Variants in GCNT1 observed in about 807,000 individuals in gnomAD.
The protein encoded by GCNT1 is glucosaminyl (N-acetyl) transferase 1.
A neutral mutation model predicts 26.2 loss-of-function variants in GCNT1; 16 were observed. The ratio of observed to expected loss-of-function variants is 0.61; its 90% CI spans 0.41 to 0.93. The LOEUF (loss-of-function observed/expected upper bound fraction) is 0.93. GCNT1 is among the 40% of genes least tolerant of loss of function. The pLI is 0.00. For missense variants in GCNT1, 477 were observed against 526.7 expected, an observed-to-expected ratio of 0.91 and a Z score of 0.92; for synonymous variants, 183 against 190.8, an observed-to-expected ratio of 0.96 and a Z score of 0.34.
chr9:76,430,473 G>A (rs1044521338), intron 1 of GCNT1, among the ~76,000 whole-genome samples: 3 of 151,590 alleles, frequency 2.0e-5, no homozygotes, highest in East Asian at 1.9e-4. Flanking sequence ...CCTTGACCTC[G>A]GGGGCTCAAG....
intron 1 of GCNT1, among the ~76,000 whole-genome samples, chr9:76,422,627 A>T (rs1823210998): frequency 6.6e-6 from 1 of 152,024 alleles, no homozygotes; most frequent in Non-Finnish European, 1.5e-5. Flanking sequence ...CACTGCACTC[A>T]CTGCAGCCTT....
intron 1 of GCNT1, among the ~76,000 whole-genome samples, chr9:76,426,917 A>G (rs1204058285): frequency 6.6e-6 from 1 of 152,190 alleles, no homozygotes; most frequent in Non-Finnish European, 1.5e-5. Context: ...ATCTAAAAAA[A>G]CAAAACAAAA....
At chr9:76,486,853 A>G (rs969331330) in intron 2 of GCNT1, among the ~76,000 whole-genome samples, 5 of 152,166 alleles carry the variant, frequency 3.3e-5, no homozygotes, top group African/African-American at 4.8e-5. Context: ...AGGTGGGTGG[A>G]TCACTTGAGG....
chr9:76,426,787 C>T (rs1371487540), intron 1 of GCNT1, among the ~76,000 whole-genome samples: 1 of 152,004 alleles, frequency 6.6e-6, no homozygotes, highest in Non-Finnish European at 1.5e-5. Context: ...ATCCCAGCTA[C>T]TCGGGGGTGG....
chr9:76,396,671 G>A, the GCNT1 span, among the ~76,000 whole-genome samples: 17 of 151,950 alleles, frequency 1.1e-4, no homozygotes, highest in Non-Finnish European at 1.5e-4. Flanking sequence ...GTGAAACCCC[G>A]TCTCTACAAA....
chr9:76,408,135 T>C, the GCNT1 span, among the ~76,000 whole-genome samples: 2 of 152,244 alleles, frequency 1.3e-5, no homozygotes, highest in African/African-American at 4.8e-5. Context: ...GTTTCTTTCC[T>C]TACTGCATTA....
At chr9:76,398,340 G>A in the GCNT1 span, among the ~76,000 whole-genome samples, 103 of 152,150 alleles carry the variant, frequency 6.8e-4, no homozygotes, top group African/African-American at 2.4e-3. Context: ...ATATCGTGAG[G>A]GAAATACAAA....
intron 2 of GCNT1, among the ~76,000 whole-genome samples, chr9:76,482,003 C>T (rs946603980): frequency 6.6e-6 from 1 of 152,108 alleles, no homozygotes; most frequent in Admixed American, 6.5e-5. Context: ...CTGTGCTTTG[C>T]CCCAGGTAAC....
At chr9:76,442,080 GGATGT>G in exon 1 of GCNT1, 1 of 152,330 alleles carries the variant, frequency 6.6e-6, no homozygotes, top group East Asian at 1.9e-4. Flanking sequence ...CTGGCTCAGG[GGATGT>G]GAAGCCAGAA....
chr9:76,483,372 A>G (rs988495473), intron 2 of GCNT1, among the ~76,000 whole-genome samples: 6 of 151,434 alleles, frequency 4.0e-5, no homozygotes, highest in Admixed American at 6.6e-5. Flanking sequence ...TAAATTATTC[A>G]GCTTTAAGTT....
chr9:76,443,853 G>A (rs1823520160), intron 1 of GCNT1, among the ~76,000 whole-genome samples: 1 of 150,854 alleles, frequency 6.6e-6, no homozygotes, highest in South Asian at 2.1e-4. Flanking sequence ...CTGGGCAACA[G>A]AGTGAGACTC....
At chr9:76,461,061 A>G (rs1002650867) in intron 2 of GCNT1, among the ~76,000 whole-genome samples, 1 of 152,204 alleles carries the variant, frequency 6.6e-6, no homozygotes, top group Non-Finnish European at 1.5e-5. Context: ...CACATGGACT[A>G]AACAGGTAAT....
intron 2 of GCNT1, among the ~76,000 whole-genome samples, chr9:76,490,266 G>A (rs910243687): frequency 1.3e-5 from 2 of 152,186 alleles, no homozygotes; most frequent in Non-Finnish European, 2.9e-5. Flanking sequence ...AGGCCTCAGC[G>A]GTTTTGGAGA....
At chr9:76,414,863 G>T (rs931048641), upstream of GCNT1, among the ~76,000 whole-genome samples, 1 of 152,104 alleles carries the variant, frequency 6.6e-6, no homozygotes, top group South Asian at 2.1e-4. Flanking sequence ...AACCTCTGAC[G>T]TGTGATACCA....
intron 2 of GCNT1, among the ~76,000 whole-genome samples, chr9:76,491,720 C>G (rs1824742397): frequency 6.6e-6 from 1 of 152,188 alleles, no homozygotes; most frequent in African/African-American, 2.4e-5. Context: ...AAGAGATCCT[C>G]TTGGGCAGCA....
intron 1 of GCNT1, among the ~76,000 whole-genome samples, chr9:76,448,755 A>G (rs1276228663): frequency 6.6e-6 from 1 of 152,168 alleles, no homozygotes; most frequent in Non-Finnish European, 1.5e-5. Flanking sequence ...TTATCTCCAC[A>G]TAAGGTCTGG....
rs199687726 is a variant in GCNT1 at position 76,432,495 on chromosome 9, ATGTC to A, written n.38+12611_38+12614del. Among the ~76,000 whole-genome samples, 1,272 of 152,082 alleles carry A rather than the reference ATGTC, an allele frequency of 8.4e-3. 15 individuals carry two copies. The highest frequency in any genetic ancestry group is 0.029 in the African/African-American group (1,186 of 41,478). On this transcript the variant is annotated intron_variant and non_coding_transcript_variant, in intron 1 of 3. Transcript: ENST00000488136. ...GCAGGGACTACAGGCACGCAGCACC[ATGTC>A]TGGCTTATTTTTGTATTTTTTATAG...
intron 2 of GCNT1, among the ~76,000 whole-genome samples, chr9:76,488,613 T>C (rs780908604): frequency 1.3e-5 from 2 of 152,184 alleles, no homozygotes; most frequent in Admixed American, 6.5e-5. Context: ...GCCTCCCAAG[T>C]AGCTGGGATT....
At chr9:76,439,912 C>G (rs999718589), upstream of GCNT1, among the ~76,000 whole-genome samples, 7 of 151,602 alleles carry the variant, frequency 4.6e-5, no homozygotes, top group African/African-American at 1.7e-4. Flanking sequence ...CCATCCTGGC[C>G]AACACGGTGA....
Sources: allele counts gnomAD v4.1 joint callset (sites outside exome capture counted in the v4.1 genomes callset), GRCh38; gene constraint gnomAD v4.1.1; transcripts MANE v1.5; gene names NCBI Gene and HGNC (gene_info 2026-07-23, HGNC 2026-07-21).